EYS: variants seen among roughly 807,000 people sequenced by gnomAD.
EYS encodes the protein protein eyes shut homolog.
Under a neutral mutation model 282.1 loss-of-function variants are expected in EYS, and 250 were observed. That is an observed-to-expected ratio of 0.89 (90% CI 0.80 to 0.98). The LOEUF (loss-of-function observed/expected upper bound fraction) is 0.98, where lower values mean the gene tolerates loss of function less well. EYS is among the 50% of genes least tolerant of loss of function. EYS has a pLI of 0.00. For missense variants in EYS, 4,016 were observed against 3,709.0 expected (o/e 1.08, Z -2.15); for synonymous variants, 1,355 against 1,282.9 (o/e 1.06, Z -1.20).
intron 41 of EYS, among the ~76,000 whole-genome samples, chr6:63,761,744 C>CTG (rs1769647513): frequency 6.6e-6 from 1 of 151,882 alleles, no homozygotes; most frequent in Admixed American, 6.6e-5. Context: ...GTAGATAGTC[C>CTG]AGTCTCAGGA....
chr6:65,120,460 CAAAAAAAAAAA>C (rs67505285), intron 12 of EYS, among the ~76,000 whole-genome samples: 1,019 of 68,292 alleles, frequency 0.015, 29 homozygotes, highest in Middle Eastern at 0.083. Flanking sequence ...TTTAAATAAG[CAAAAAAAAAAA>C]AAAAAAAAAA....
chr6:64,707,917 G>A (rs1400010895), intron 22 of EYS, among the ~76,000 whole-genome samples: 1 of 151,896 alleles, frequency 6.6e-6, no homozygotes, highest in Non-Finnish European at 1.5e-5. Context: ...TTTTAAAAAA[G>A]TATGAAAGGG....
At chr6:63,794,359 A>G (rs319920) in intron 37 of EYS, among the ~76,000 whole-genome samples, 78,071 of 152,056 alleles carry the variant, frequency 0.51, 22,008 homozygotes, top group African/African-American at 0.75. Flanking sequence ...TCGGGAACAG[A>G]AGTAGTACAA....
chr6:64,728,945 C>T (rs552559381), intron 22 of EYS: 1 of 152,410 alleles, frequency 6.6e-6, no homozygotes, highest in East Asian at 1.9e-4. Flanking sequence ...TGGAGTTCAG[C>T]AGTCCTTGGC....
At chr6:64,262,489 T>C (rs1767620152) in intron 30 of EYS, among the ~76,000 whole-genome samples, 1 of 151,956 alleles carries the variant, frequency 6.6e-6, no homozygotes, top group Non-Finnish European at 1.5e-5. Context: ...TCTTAGTTGA[T>C]GGCACACGTT....
At chr6:64,665,639 T>C (rs1462838192) in intron 22 of EYS, among the ~76,000 whole-genome samples, 1 of 152,244 alleles carries the variant, frequency 6.6e-6, no homozygotes, top group East Asian at 1.9e-4. Flanking sequence ...TTAGAAATTA[T>C]TATACTGGTA....
chr6:65,624,829 G>A (rs2149804230), intron 2 of EYS, among the ~76,000 whole-genome samples: 1 of 152,298 alleles, frequency 6.6e-6, no homozygotes, highest in Admixed American at 6.5e-5. Context: ...AGAGACTAAA[G>A]ATTGCACTGT....
intron 33 of EYS, among the ~76,000 whole-genome samples, chr6:64,018,368 T>G (rs1180668369): frequency 6.6e-6 from 1 of 151,192 alleles, no homozygotes; most frequent in African/African-American, 2.5e-5. Context: ...GGGTTTTTTG[T>G]TGTTGTTGTT....
chr6:64,813,980 G>A (rs1391394979), intron 21 of EYS, among the ~76,000 whole-genome samples: 3 of 151,944 alleles, frequency 2.0e-5, no homozygotes, highest in African/African-American at 4.8e-5. Context: ...CTACGGTAAT[G>A]ATTAATAGTA....
intron 36 of EYS, among the ~76,000 whole-genome samples, chr6:63,837,033 C>T (rs1771826551): frequency 6.6e-6 from 1 of 151,994 alleles, no homozygotes; most frequent in Admixed American, 6.6e-5. Flanking sequence ...GTATTCTCCA[C>T]AGCGTCTGAT....
At chr6:64,766,649 A>AAAAAAAAT (rs1387919586) in intron 22 of EYS, among the ~76,000 whole-genome samples, 3 of 19,048 alleles carry the variant, frequency 1.6e-4, no homozygotes, top group African/African-American at 5.5e-4. Context: ...AAAAAAAAAA[A>AAAAAAAAT]ATATATATAT....
intron 35 of EYS, among the ~76,000 whole-genome samples, chr6:63,873,035 G>A (rs1159317692): frequency 1.3e-5 from 2 of 151,942 alleles, no homozygotes; most frequent in Non-Finnish European, 2.9e-5. Context: ...TTAAATTCTA[G>A]GGTACATGTG....
chr6:64,096,219 A>C (rs1423852224), intron 31 of EYS, among the ~76,000 whole-genome samples: 2 of 152,102 alleles, frequency 1.3e-5, no homozygotes, highest in Non-Finnish European at 2.9e-5. Context: ...TGAATCTGAC[A>C]ATTATTTTCT....
intron 31 of EYS, among the ~76,000 whole-genome samples, chr6:64,096,029 A>G (rs1392019287): frequency 1.3e-5 from 2 of 152,218 alleles, no homozygotes; most frequent in Non-Finnish European, 2.9e-5. Context: ...TTGGCTGGAT[A>G]TGAAATTCTA....
intron 13 of EYS, among the ~76,000 whole-genome samples, chr6:65,024,554 G>A (rs781040194): frequency 6.6e-6 from 1 of 152,084 alleles, no homozygotes. Flanking sequence ...CACGAATGTG[G>A]TTTACTTCTT....
At chr6:65,231,037 C>T (rs1001738819) in intron 12 of EYS, among the ~76,000 whole-genome samples, 1 of 117,658 alleles carries the variant, frequency 8.5e-6, no homozygotes, top group African/African-American at 2.9e-5. Context: ...TGCACTTGTA[C>T]CCCAAAATTA....
chr6:65,672,102 G>A (rs1768409413), intron 1 of EYS, among the ~76,000 whole-genome samples: 3 of 152,014 alleles, frequency 2.0e-5, no homozygotes, highest in Admixed American at 2.0e-4. Flanking sequence ...AGCTCCAGAG[G>A]ACCTACAGTA....
intron 1 of EYS, among the ~76,000 whole-genome samples, chr6:65,700,128 A>AAAAAAAAAAAAC: frequency 6.7e-6 from 1 of 150,340 alleles, no homozygotes; most frequent in Non-Finnish European, 1.5e-5. Flanking sequence ...AAAAAAAAAA[A>AAAAAAAAAAAAC]AAAAAAAAAA....
At chr6:65,424,608 C>T (rs1317391294) in intron 5 of EYS, among the ~76,000 whole-genome samples, 1 of 151,996 alleles carries the variant, frequency 6.6e-6, no homozygotes, top group Non-Finnish European at 1.5e-5. Flanking sequence ...AATCAGTACA[C>T]AATTATATTT....
Sources: allele counts gnomAD v4.1 joint callset (sites outside exome capture counted in the v4.1 genomes callset), GRCh38; gene constraint gnomAD v4.1.1; transcripts MANE v1.5; gene names NCBI Gene and HGNC (gene_info 2026-07-23, HGNC 2026-07-21).